Variants in NINL observed in about 807,000 individuals in gnomAD.
NINL encodes ninein like, also known as ninein-like protein.
A neutral mutation model predicts 160.3 loss-of-function variants in NINL; 153 were observed. The observed-to-expected ratio is 0.95, with a 90% confidence interval of 0.84 to 1.09. The LOEUF (loss-of-function observed/expected upper bound fraction) is 1.09. NINL is among the 50% of genes least tolerant of loss of function. The pLI is 0.00. For missense variants in NINL, 1,829 were observed against 1,764.0 expected (o/e 1.04, Z -0.66); for synonymous variants, 800 against 734.8 (o/e 1.09, Z -1.43).
rs557293152 is a variant in NINL, at chr20:25,574,837, G to T, written c.-12+10618C>A. On this transcript the variant is annotated intron_variant, in intron 1 of 23. Transcript: ENST00000278886. ...AAAATGTCACATGCAAAGCTCCTAG[G>T]AGTCTTCTTTTTTCCCACCTCCTCA... 3.4e-3 allele frequency among the ~76,000 whole-genome samples: 516 copies of T among 152,200 alleles called. 3 individuals carry two copies. Among genetic ancestry groups the T allele is most frequent in the Non-Finnish European group, 6.0e-3 (410 of 68,006 alleles).
chr20:25,478,461 T>TA (rs1283649812), intron 16 of NINL, among the ~76,000 whole-genome samples: 2 of 152,186 alleles, frequency 1.3e-5, no homozygotes, highest in Non-Finnish European at 2.9e-5. Context: ...CCAGAACACA[T>TA]AAAACACCAG....
intron 5 of NINL, among the ~76,000 whole-genome samples, chr20:25,507,268 G>A (rs1173286675): frequency 6.6e-6 from 1 of 151,502 alleles, no homozygotes; most frequent in Non-Finnish European, 1.5e-5. Flanking sequence ...TTTTTTGCAG[G>A]TGGTGCTGTG....
At chr20:25,513,066 G>A (rs374384498) in intron 3 of NINL, 60 bp from the exon 4 acceptor site, 2 of 1,525,434 alleles carry the variant, frequency 1.3e-6, no homozygotes. Context: ...GCCCATGCAG[G>A]CCAGCAGGTA....
intron 13 of NINL, among the ~76,000 whole-genome samples, chr20:25,482,410 C>T (rs961801258): frequency 2.6e-5 from 4 of 152,228 alleles, no homozygotes; most frequent in Non-Finnish European, 5.9e-5. Flanking sequence ...GCAATCTCAG[C>T]TCACTTCAGC....
chr20:25,491,271 A>G (rs1051965398), intron 11 of NINL, 80 bp downstream of exon 11: 1 of 1,488,448 alleles, frequency 6.7e-7, no homozygotes, highest in Non-Finnish European at 9.0e-7. Flanking sequence ...GTGGATCTGG[A>G]TCCTCAACCA....
At chr20:25,456,149 AG>A (rs2090670469) in intron 22 of NINL, among the ~76,000 whole-genome samples, 1 of 148,900 alleles carries the variant, frequency 6.7e-6, no homozygotes, top group African/African-American at 2.5e-5. Flanking sequence ...AGGCTGAGGC[AG>A]GAGAATCACT....
At chr20:25,559,710 C>A (rs2064910121) in intron 1 of NINL, among the ~76,000 whole-genome samples, 1 of 152,012 alleles carries the variant, frequency 6.6e-6, no homozygotes, top group Non-Finnish European at 1.5e-5. Flanking sequence ...AAGTGATCCT[C>A]CTGATGCAGC....
At chr20:25,468,456 CT>C (rs1228748365) in intron 18 of NINL, among the ~76,000 whole-genome samples, 1 of 148,606 alleles carries the variant, frequency 6.7e-6, no homozygotes, top group Non-Finnish European at 1.5e-5. Context: ...GGGCACCCCC[CT>C]GCCCTGTCCC....
chr20:25,578,990 T>C (rs935016865), intron 1 of NINL, among the ~76,000 whole-genome samples: 6 of 151,836 alleles, frequency 4.0e-5, no homozygotes, highest in African/African-American at 1.5e-4. Flanking sequence ...CATAAATAAA[T>C]AAAATAAAAA....
chr20:25,527,243 T>G (rs756325246), intron 1 of NINL, among the ~76,000 whole-genome samples: 21 of 152,000 alleles, frequency 1.4e-4, no homozygotes, highest in Non-Finnish European at 2.6e-4. Flanking sequence ...AACCTCTGTC[T>G]CCTGGGTTCA....
chr20:25,553,895 C>A (rs73337339), intron 1 of NINL, among the ~76,000 whole-genome samples: 13,325 of 152,292 alleles, frequency 0.087, 954 homozygotes, highest in African/African-American at 0.2. Context: ...GAGCAGAACA[C>A]CACAAACTGG....
rs755141427 is a variant in NINL, at chr20:25,476,797, C to T, written c.2494G>A (p.Asp832Asn). The change falls in exon 17 of 24, where the codon GAT becomes AAT. Residue 832 changes from aspartate (D) to asparagine (N), a missense_variant. Transcript: ENST00000278886. ...TGGCCACTTCCTGCCACCAGCCCAT[C>T]TTTCGGCAGGGCCTGCATCTCTGCT... ...LEAEMQALPK[D>N]GLVAGSGQEG... 2 of 1,612,888 alleles carry T rather than the reference C, an allele frequency of 1.2e-6. No homozygotes were observed. The highest frequency in any genetic ancestry group is 1.7e-6 in the Non-Finnish European group (2 of 1,179,932).
chr20:25,550,497 GTC>G, intron 1 of NINL, among the ~76,000 whole-genome samples: 1 of 152,254 alleles, frequency 6.6e-6, no homozygotes, highest in African/African-American at 2.4e-5. Flanking sequence ...ACCGGCACTG[GTC>G]TCTGAGTTCC....
At chr20:25,552,437 G>GA (rs905934715) in intron 1 of NINL, among the ~76,000 whole-genome samples, 23 of 151,868 alleles carry the variant, frequency 1.5e-4, no homozygotes, top group African/African-American at 4.6e-4. Context: ...AGCTGTGAAA[G>GA]AAAAAAATAA....
At chr20:25,524,875 C>A (rs1054542136) in intron 2 of NINL, among the ~76,000 whole-genome samples, 3 of 148,476 alleles carry the variant, frequency 2.0e-5, no homozygotes, top group African/African-American at 4.9e-5. Context: ...TCAAAAATAT[C>A]AATTCAGCAA....
intron 15 of NINL, among the ~76,000 whole-genome samples, chr20:25,479,738 G>A (rs2063346961): frequency 6.6e-6 from 1 of 152,200 alleles, no homozygotes; most frequent in African/African-American, 2.4e-5. Context: ...ACAGAACAGG[G>A]CTAAGTTCAT....
chr20:25,505,980 G>A (rs1466767418), intron 5 of NINL, among the ~76,000 whole-genome samples: 1 of 152,228 alleles, frequency 6.6e-6, no homozygotes, highest in Non-Finnish European at 1.5e-5. Context: ...AAGAGGCAGA[G>A]GGGCTGGGCG....
rs139222656 is a variant in NINL at position 25,479,083 on chromosome 20, C to T, written c.2041G>A (p.Glu681Lys). The change falls in exon 16 of 24, where the codon GAG becomes AAG. Residue 681 changes from glutamate (E) to lysine (K), a missense_variant. Coordinates refer to ENST00000278886, the MANE Select transcript of NINL (RefSeq NM_025176.6). Reference protein sequence around the residue: ...VLEGQKADLEELHEKSQEVIW... With the variant: ...VLEGQKADLEKLHEKSQEVIW... The stretch of plus-strand genomic sequence containing the variant: ...ACCTCCTGAGACTTCTCGTGGAGCT[C>T]CTCCAGGTCGGCCTTCTGACCCTCC... The T allele has an allele frequency of 2.8e-4, 446 of 1,613,212 alleles. No individual in the cohort carries two copies. Among genetic ancestry groups the T allele is most frequent in the Non-Finnish European group, 3.6e-4 (422 of 1,180,042 alleles).
At chr20:25,501,339 G>A (rs183661277) in intron 7 of NINL, among the ~76,000 whole-genome samples, 11 of 152,348 alleles carry the variant, frequency 7.2e-5, no homozygotes, top group East Asian at 1.9e-4. Context: ...GAGTTTTAAC[G>A]TTCCACCCTT....
Sources: allele counts gnomAD v4.1 joint callset (sites outside exome capture counted in the v4.1 genomes callset), GRCh38; gene constraint gnomAD v4.1.1; transcripts MANE v1.5; gene names NCBI Gene and HGNC (gene_info 2026-07-23, HGNC 2026-07-21).